Variants in PRKN observed in about 807,000 individuals in gnomAD.
The protein encoded by PRKN is E3 ubiquitin-protein ligase parkin.
A neutral mutation model predicts 59.5 loss-of-function variants in PRKN; 56 were observed. The observed-to-expected ratio is 0.94, with a 90% CI of 0.76 to 1.18. The LOEUF (loss-of-function observed/expected upper bound fraction) is 1.18, where lower values mean the gene tolerates loss of function less well. PRKN is among the 50% of genes most tolerant of loss of function. The pLI, the probability that PRKN is intolerant of heterozygous loss-of-function variation, is 0.00. For missense variants in PRKN, 657 were observed against 596.4 expected (o/e 1.10, Z -1.06); for synonymous variants, 250 against 222.1 (o/e 1.13, Z -1.12).
In PRKN at chr6:161,593,980, T is replaced by C. The variant is rs909237134; in HGVS notation, c.872-24564A>G. The stretch of plus-strand genomic sequence containing the variant: ...GCCTGGCCAACATAGTGAAACCCCA[T>C]CTCTACTAAAAAAAAAAAACAAAAA... On this transcript the variant is annotated intron_variant, in intron 7 of 11. Transcript: ENST00000366898. The surrounding 1 kb of genome is among the most constrained non-coding windows in gnomAD (Gnocchi z 4.8). Among the ~76,000 whole-genome samples, 12 of 148,118 alleles carry C rather than the reference T, an allele frequency of 8.1e-5. No individual in the cohort carries two copies. Among genetic ancestry groups the C allele is most frequent in the African/African-American group, 3.0e-4 (12 of 39,772 alleles).
rs1245155744 is a variant in PRKN at position 161,497,035 on chromosome 6, G to A, written c.1083+51819C>T. Among the ~76,000 whole-genome samples, 1 of 152,174 alleles carries A rather than the reference G, an allele frequency of 6.6e-6. No individual in the cohort carries two copies. The highest frequency in any genetic ancestry group is 1.5e-5 in the Non-Finnish European group (1 of 68,036). On this transcript the variant is annotated intron_variant, in intron 9 of 11. Coordinates refer to ENST00000366898, the MANE Select transcript of PRKN (RefSeq NM_004562.3). This position sits in a 1 kb window ranked among gnomAD's most constrained non-coding sequence, Gnocchi z 4.6. ...GCACTTTATAATGGCAGCCCTAGGAGCAAATACATCAAGGCAGAAAACCCG... is the reference window on the plus strand; with the variant it reads ...GCACTTTATAATGGCAGCCCTAGGAACAAATACATCAAGGCAGAAAACCCG...
intron 9 of PRKN, among the ~76,000 whole-genome samples, chr6:161,477,368 T>C (rs1206489590): frequency 6.6e-6 from 1 of 151,920 alleles, no homozygotes; most frequent in Non-Finnish European, 1.5e-5. Context: ...AAATACAAAA[T>C]TATCCAGGCG....
At position 161,887,384 on chromosome 6, in the gene PRKN, C is replaced by A. The variant is rs138918508; in HGVS notation, c.734+85918G>T. 1.7e-3 allele frequency among the ~76,000 whole-genome samples: 262 copies of A among 152,238 alleles called. 2 individuals are homozygous for A. The highest frequency in any genetic ancestry group is 5.8e-3 in the African/African-American group (242 of 41,544). Reference sequence around the variant, plus strand: ...ATGTAGTTAATTTGATAAAAACAAACCTTCAACAATGCAGTAGGCTTTCCT... The same window carrying A: ...ATGTAGTTAATTTGATAAAAACAAAACTTCAACAATGCAGTAGGCTTTCCT... On this transcript the variant is annotated intron_variant, in intron 6 of 11. Transcript: ENST00000366898.
At chr6:162,548,785 G>C (rs1779220070) in intron 1 of PRKN, among the ~76,000 whole-genome samples, 1 of 152,062 alleles carries the variant, frequency 6.6e-6, no homozygotes, top group South Asian at 2.1e-4. Flanking sequence ...GCTATTTCAT[G>C]GATTATTTCC....
intron 1 of PRKN, among the ~76,000 whole-genome samples, chr6:162,578,583 T>G (rs982209492): frequency 6.6e-6 from 1 of 152,178 alleles, no homozygotes; most frequent in African/African-American, 2.4e-5. Flanking sequence ...AGTACAAGCA[T>G]GGAAAAGAGG....
At chr6:162,160,782 T>C (rs1417872051) in intron 4 of PRKN, among the ~76,000 whole-genome samples, 1 of 149,008 alleles carries the variant, frequency 6.7e-6, no homozygotes, top group Non-Finnish European at 1.5e-5. Flanking sequence ...TCCCAGCTAC[T>C]CGGGAGGCTG....
At chr6:161,383,812 G>A (rs1583001184) in intron 10 of PRKN, among the ~76,000 whole-genome samples, 1 of 152,338 alleles carries the variant, frequency 6.6e-6, no homozygotes, top group Middle Eastern at 3.4e-3. Flanking sequence ...CATCTGGGTT[G>A]GCTTCTCTCT....
At chr6:161,706,276 T>C (rs1463017630) in intron 7 of PRKN, among the ~76,000 whole-genome samples, 1 of 152,206 alleles carries the variant, frequency 6.6e-6, no homozygotes, top group Non-Finnish European at 1.5e-5. Flanking sequence ...CTCACCAGCA[T>C]AGCTTTGCCC....
At chr6:162,005,462 A>G (rs1782212533) in intron 5 of PRKN, among the ~76,000 whole-genome samples, 1 of 152,150 alleles carries the variant, frequency 6.6e-6, no homozygotes, top group Non-Finnish European at 1.5e-5. Flanking sequence ...GCTGTAGTGG[A>G]AAAGATTCAA....
chr6:162,636,566 T>C (rs1178853059), intron 1 of PRKN, among the ~76,000 whole-genome samples: 1 of 152,214 alleles, frequency 6.6e-6, no homozygotes, highest in Admixed American at 6.5e-5. Context: ...TCAAGATCAC[T>C]AGAGAAGTTT....
intron 3 of PRKN, among the ~76,000 whole-genome samples, chr6:162,202,359 G>A (rs1784766303): frequency 6.6e-6 from 1 of 152,086 alleles, no homozygotes; most frequent in Admixed American, 6.5e-5. Flanking sequence ...AGACATATTG[G>A]ATTATCATTT....
intron 1 of PRKN, among the ~76,000 whole-genome samples, chr6:162,491,575 T>C (rs185803334): frequency 2.0e-5 from 3 of 152,152 alleles, no homozygotes; most frequent in Non-Finnish European, 4.4e-5. Flanking sequence ...CCTCATACAC[T>C]GCCAGCTCGT....
intron 7 of PRKN, among the ~76,000 whole-genome samples, chr6:161,672,635 G>C (rs1168649658): frequency 6.6e-6 from 1 of 152,132 alleles, no homozygotes; most frequent in East Asian, 1.9e-4. Flanking sequence ...AATTAGCTGG[G>C]TGTGGTGGCA....
chr6:161,754,657 C>T (rs942771001), intron 7 of PRKN, among the ~76,000 whole-genome samples: 3 of 152,192 alleles, frequency 2.0e-5, no homozygotes, highest in African/African-American at 7.2e-5. Context: ...GGCCAACTCA[C>T]ATCCCTTTTC....
chr6:162,478,255 T>G (rs1323841368), intron 1 of PRKN, among the ~76,000 whole-genome samples: 1 of 152,186 alleles, frequency 6.6e-6, no homozygotes, highest in Admixed American at 6.5e-5. Flanking sequence ...GGCTCAGAGT[T>G]CTTCAAAGAG....
chr6:161,788,633 G>T (rs1790519080), intron 6 of PRKN, among the ~76,000 whole-genome samples: 1 of 140,738 alleles, frequency 7.1e-6, no homozygotes, highest in South Asian at 2.2e-4. Flanking sequence ...TGGGTTACCA[G>T]AGAGTGAGCA....
intron 6 of PRKN, among the ~76,000 whole-genome samples, chr6:161,967,259 C>T (rs528865034): frequency 6.9e-6 from 1 of 145,390 alleles, no homozygotes; most frequent in African/African-American, 2.5e-5. Flanking sequence ...CTACATGTTA[C>T]AACATATATG....
In PRKN at chr6:161,518,904, A is replaced by G. The variant is rs1157741607; in HGVS notation, c.1083+29950T>C. Among the ~76,000 whole-genome samples the G allele has an allele frequency of 1.3e-5, 2 of 152,220 alleles. No individual in the cohort carries two copies. The highest frequency in any genetic ancestry group is 6.5e-5 in the Admixed American group (1 of 15,288). On this transcript the variant is annotated intron_variant, in intron 9 of 11. Transcript: ENST00000366898. The surrounding 1 kb of genome is among the most constrained non-coding windows in gnomAD (Gnocchi z 5.0). ...ACCAATGTCAGGGAGAGGAAGGCTG[A>G]GCACAAGAGAATCTCCCTCTGTCCA...
chr6:162,053,893 A>G (rs564032573), intron 5 of PRKN, among the ~76,000 whole-genome samples, 198 bp downstream of exon 5: 6 of 152,340 alleles, frequency 3.9e-5, no homozygotes, highest in Non-Finnish European at 7.3e-5. Context: ...AGTCACTAGG[A>G]AAGTGACCCT....
Sources: gnomAD v4.1 joint callset for allele counts (sites outside exome capture counted in the v4.1 genomes callset) on GRCh38, gnomAD v4.1.1 for gene constraint, Gnocchi (gnomAD v3.1) non-coding constraint, MANE v1.5 for transcripts, NCBI Gene and HGNC (gene_info 2026-07-23, HGNC 2026-07-21) for gene names.